The following ARMC2 variants were observed in gnomAD, a reference collection of about 807,000 sequenced individuals.
ARMC2 encodes the protein armadillo repeat-containing protein 2.
Under a neutral mutation model 90.3 loss-of-function variants are expected in ARMC2, and 67 were observed. The ratio of observed to expected loss-of-function variants is 0.74; its 90% CI spans 0.61 to 0.91. The LOEUF is 0.91. Among genes scored for constraint, ARMC2 ranks in the 40% least tolerant of loss-of-function variants. ARMC2 has a pLI of 0.00. For missense variants in ARMC2, 920 were observed against 1,030.9 expected (o/e 0.89, Z 1.47); for synonymous variants, 393 against 393.0 (o/e 1.00, Z 0.00).
chr6:108,902,308 C>T (rs1177580615), intron 7 of ARMC2, among the ~76,000 whole-genome samples: 1 of 152,154 alleles, frequency 6.6e-6, no homozygotes, highest in Non-Finnish European at 1.5e-5. Flanking sequence ...AAATTTGACC[C>T]TTGAGCCTTT....
At chr6:109,022,431 T>C in the ARMC2 span, among the ~76,000 whole-genome samples, 2 of 140,688 alleles carry the variant, frequency 1.4e-5, no homozygotes, top group Non-Finnish European at 3.1e-5. Context: ...TTTTTTTTTT[T>C]TTTTTTTTTG....
At chr6:108,992,264 A>T in the ARMC2 span, among the ~76,000 whole-genome samples, 2 of 151,954 alleles carry the variant, frequency 1.3e-5, no homozygotes, top group Admixed American at 1.3e-4. Context: ...ACACCTGGCT[A>T]ATTTTATTTT....
chr6:108,967,677 G>A (rs539151152), intron 17 of ARMC2, among the ~76,000 whole-genome samples: 5 of 152,358 alleles, frequency 3.3e-5, no homozygotes, highest in Non-Finnish European at 5.9e-5. Context: ...TGAACGCTAT[G>A]TAAATGGTTG....
intron 3 of ARMC2, among the ~76,000 whole-genome samples, chr6:108,860,004 TAA>T (rs140061937): frequency 1.3e-3 from 173 of 135,696 alleles, no homozygotes; most frequent in Non-Finnish European, 1.2e-3. Flanking sequence ...AACTCTGTCT[TAA>T]AAAAAAAAAA....
the ARMC2 span, among the ~76,000 whole-genome samples, chr6:109,025,579 T>A: frequency 6.7e-6 from 1 of 150,066 alleles, no homozygotes; most frequent in African/African-American, 2.5e-5. Flanking sequence ...CAGTTCAATA[T>A]GCTTTTTAAA....
chr6:109,043,899 A>G, the ARMC2 span, among the ~76,000 whole-genome samples: 4 of 152,360 alleles, frequency 2.6e-5, no homozygotes, highest in East Asian at 5.8e-4. Context: ...TGTTTTCATG[A>G]CTTATTATAA....
intron 15 of ARMC2, among the ~76,000 whole-genome samples, chr6:108,963,851 C>G (rs1778165187): frequency 6.6e-6 from 1 of 152,182 alleles, no homozygotes. Flanking sequence ...TTTAGGAACA[C>G]CCTTGAGAAT....
intron 8 of ARMC2, among the ~76,000 whole-genome samples, chr6:108,904,918 C>T (rs182589175): frequency 2.3e-4 from 35 of 152,206 alleles, no homozygotes; most frequent in African/African-American, 8.2e-4. Context: ...AGGAAGGTAC[C>T]TCAGTGGTCA....
chr6:108,904,709 C>T (rs1040281502), intron 8 of ARMC2, among the ~76,000 whole-genome samples: 6 of 151,610 alleles, frequency 4.0e-5, no homozygotes, highest in Non-Finnish European at 7.4e-5. Flanking sequence ...AAGAAATAAC[C>T]GTAGGCAAAT....
chr6:109,012,659 G>A, the ARMC2 span, among the ~76,000 whole-genome samples: 1 of 152,152 alleles, frequency 6.6e-6, no homozygotes, highest in African/African-American at 2.4e-5. Context: ...AGAAAATTTG[G>A]GGGAGAGTTT....
At chr6:108,949,026 G>T (rs1776992856) in intron 12 of ARMC2, among the ~76,000 whole-genome samples, 1 of 151,628 alleles carries the variant, frequency 6.6e-6, no homozygotes, top group African/African-American at 2.4e-5. Flanking sequence ...GGCCTAGGAA[G>T]AAAAAAAACA....
chr6:108,903,285 T>A (rs1201245372), intron 7 of ARMC2, among the ~76,000 whole-genome samples: 5 of 152,214 alleles, frequency 3.3e-5, no homozygotes, highest in Non-Finnish European at 7.3e-5. Flanking sequence ...TATTTTATTT[T>A]ATTTTGGAAG....
At chr6:109,013,175 T>A in the ARMC2 span, among the ~76,000 whole-genome samples, 1 of 151,788 alleles carries the variant, frequency 6.6e-6, no homozygotes. Flanking sequence ...TTCTTAAGGG[T>A]ACTGTGGAGT....
At chr6:108,881,288 C>T (rs1777539340) in intron 5 of ARMC2, among the ~76,000 whole-genome samples, 1 of 17,430 alleles carries the variant, frequency 5.7e-5, no homozygotes, top group Non-Finnish European at 1.6e-4. Flanking sequence ...CTCCCCTCCC[C>T]TCCCCTCCCC....
chr6:109,034,450 C>A, the ARMC2 span, among the ~76,000 whole-genome samples: 14 of 152,102 alleles, frequency 9.2e-5, no homozygotes, highest in South Asian at 8.3e-4. Context: ...TTTATCAATT[C>A]TTTGAGTATC....
chr6:109,003,926 G>C, the ARMC2 span, among the ~76,000 whole-genome samples: 2 of 152,088 alleles, frequency 1.3e-5, no homozygotes, highest in Admixed American at 6.5e-5. Context: ...CTTGAAAACT[G>C]TCTTACTTAA....
chr6:109,043,491 C>T, the ARMC2 span, among the ~76,000 whole-genome samples: 8 of 152,116 alleles, frequency 5.3e-5, no homozygotes, highest in Middle Eastern at 3.4e-3. Context: ...TAAAAAACAA[C>T]GAATTCCTAG....
At chr6:108,968,977 T>C (rs1778569614) in intron 17 of ARMC2, among the ~76,000 whole-genome samples, 1 of 152,194 alleles carries the variant, frequency 6.6e-6, no homozygotes, top group South Asian at 2.1e-4. Context: ...ATAAGCAGCG[T>C]GTTGATGCTG....
chr6:109,004,195 T>C, the ARMC2 span, among the ~76,000 whole-genome samples: 1 of 152,016 alleles, frequency 6.6e-6, no homozygotes, highest in Non-Finnish European at 1.5e-5. Context: ...AAAAACATTA[T>C]AGTACTAGAA....
Sources: gnomAD v4.1 joint callset for allele counts (sites outside exome capture counted in the v4.1 genomes callset) on GRCh38, gnomAD v4.1.1 for gene constraint, MANE v1.5 for transcripts, NCBI Gene and HGNC (gene_info 2026-07-23, HGNC 2026-07-21) for gene names.